The following LRRC43 variants were observed in gnomAD, a reference collection of about 807,000 sequenced individuals.
LRRC43 encodes leucine-rich repeat-containing protein 43.
Under a neutral mutation model 64.3 loss-of-function variants are expected in LRRC43, and 62 were observed. The observed-to-expected ratio is 0.96, with a 90% CI of 0.79 to 1.19. The LOEUF (loss-of-function observed/expected upper bound fraction) is 1.19, where lower values mean the gene tolerates loss of function less well. Among genes scored for constraint, LRRC43 ranks in the 50% most tolerant of loss-of-function variants. The pLI is 0.00. For synonymous variants in LRRC43, 422 were observed against 382.3 expected, an observed-to-expected ratio of 1.10 and a Z score of -1.21; for missense variants, 868 against 845.0, an observed-to-expected ratio of 1.03 and a Z score of -0.34.
intron 1 of LRRC43, chr12:122,173,891 T>C (rs1227279447): frequency 1.2e-6 from 2 of 1,613,996 alleles, no homozygotes; most frequent in Non-Finnish European, 1.7e-6. Context: ...TCGACTATTT[T>C]CTGTACATCA....
At chr12:122,172,706 A>G in intron 1 of LRRC43, 1 of 1,613,812 alleles carries the variant, frequency 6.2e-7, no homozygotes, top group Non-Finnish European at 8.5e-7. Flanking sequence ...GCAGCGTGTA[A>G]TTCTGGGACA....
In LRRC43 at chr12:122,200,976, C is replaced by T; in HGVS notation, c.1809+42C>T. 1.3e-6 allele frequency: 2 copies of T among 1,543,294 alleles called. No homozygotes were observed. The highest frequency in any genetic ancestry group is 1.7e-6 in the Non-Finnish European group (2 of 1,146,938). On this transcript the variant is annotated intron_variant, in intron 10 of 11. Coordinates refer to ENST00000339777, the MANE Select transcript of LRRC43 (RefSeq NM_001098519.2). The surrounding 1 kb of genome is among the most constrained non-coding windows in gnomAD (Gnocchi z 4.6). ...GCCACATCCTCCACCTCTGCCTTCG[C>T]CCTCCCCATGGGAACCCCGCGGGCA...
At chr12:122,188,096 A>G (rs948939765) in intron 4 of LRRC43, among the ~76,000 whole-genome samples, 2 of 151,964 alleles carry the variant, frequency 1.3e-5, no homozygotes, top group African/African-American at 4.8e-5. Context: ...TAATTTTTTA[A>G]TTTTTTTATC....
In LRRC43 at chr12:122,190,341, C is replaced by G; in HGVS notation, c.874C>G (p.Leu292Val). Residue 292 changes from leucine (L) to valine (V), a missense_variant, in exon 5 of 12, where the codon CTC (leucine) becomes GTC (valine). By Grantham distance (32) the Leu-to-Val change is conservative. Transcript: ENST00000339777. The part of the protein sequence containing the change: ...DITVSPNEKH[L>V]FRGLSLNGDL... ...CACCGTGTCTCCCAATGAGAAGCAT[C>G]TCTTCCGGGGGCTCAGCCTCAATGG... 1 of 1,614,130 alleles carries G rather than the reference C, an allele frequency of 6.2e-7. No individual in the cohort carries two copies. Among genetic ancestry groups the G allele is most frequent in the Non-Finnish European group, 8.5e-7 (1 of 1,179,988 alleles).
chr12:122,201,649 G>T (rs769009263), intron 11 of LRRC43, among the ~76,000 whole-genome samples: 2 of 152,190 alleles, frequency 1.3e-5, no homozygotes, highest in Non-Finnish European at 2.9e-5. Flanking sequence ...GCCCTTATTT[G>T]CTGTAAGAGG....
upstream of LRRC43, among the ~76,000 whole-genome samples, chr12:122,178,229 T>TG (rs1232121673): frequency 6.6e-6 from 1 of 152,012 alleles, no homozygotes; most frequent in Non-Finnish European, 1.5e-5. Context: ...TCAGCCTTAC[T>TG]GGGGTTTCAG....
chr12:122,176,862 G>A (rs1389735390), intron 1 of LRRC43, among the ~76,000 whole-genome samples: 1 of 151,858 alleles, frequency 6.6e-6, no homozygotes, highest in Non-Finnish European at 1.5e-5. Context: ...ACCATGTTGG[G>A]ATGAGGTCAG....
intron 11 of LRRC43, 74 bp from the exon 12 acceptor site, chr12:122,203,241 G>T: frequency 6.4e-7 from 1 of 1,554,942 alleles, no homozygotes; most frequent in South Asian, 1.2e-5. Flanking sequence ...CTTGCATATG[G>T]GATGGGTCAG....
At chr12:122,177,614 C>T (rs552011906) in intron 1 of LRRC43, among the ~76,000 whole-genome samples, 17 of 152,060 alleles carry the variant, frequency 1.1e-4, no homozygotes, top group Admixed American at 9.9e-4. Context: ...AAGCAGCCCT[C>T]TTACCCCAGC....
At chr12:122,186,147 C>T (rs1275384512) in intron 2 of LRRC43, 43 bp from the exon 3 acceptor site, 1 of 1,128,510 alleles carries the variant, frequency 8.9e-7, no homozygotes, top group African/African-American at 1.5e-5. Flanking sequence ...TGCCCGTGCT[C>T]CCTCTCCTGC....
At chr12:122,192,345 C>T (rs1163755024) in intron 6 of LRRC43, among the ~76,000 whole-genome samples, 1 of 151,882 alleles carries the variant, frequency 6.6e-6, no homozygotes, top group East Asian at 2.0e-4. Flanking sequence ...ACCATGTTAG[C>T]CAGGATGGCC....
upstream of LRRC43, among the ~76,000 whole-genome samples, chr12:122,178,379 C>T (rs1002174180): frequency 6.6e-6 from 1 of 152,096 alleles, no homozygotes; most frequent in Non-Finnish European, 1.5e-5. Flanking sequence ...ACGGTGTCCA[C>T]CCGTGATCTG....
intron 6 of LRRC43, among the ~76,000 whole-genome samples, chr12:122,192,194 G>A (rs2136047745): frequency 6.6e-6 from 1 of 152,232 alleles, no homozygotes; most frequent in Middle Eastern, 3.4e-3. Context: ...CTGGAGTGCA[G>A]TGGCGCAATC....
rs1395284003 is a variant in LRRC43, at chr12:122,184,438, T to TG, written c.151-80dup. On this transcript the variant is annotated intron_variant, in intron 1 of 11. Coordinates refer to ENST00000339777, the MANE Select transcript of LRRC43 (RefSeq NM_001098519.2). This position sits in a 1 kb window ranked among gnomAD's most constrained non-coding sequence, Gnocchi z 4.0. The stretch of plus-strand genomic sequence containing the variant: ...CTCTATCCCTAATCGTCCAGTTTTA[T>TG]GATCTGTTCTGTTTTGAGAGTTTGG... 1.3e-6 allele frequency: 2 copies of TG among 1,504,182 alleles called. No individual in the cohort carries two copies. Among genetic ancestry groups the TG allele is most frequent in the Non-Finnish European group, 1.8e-6 (2 of 1,112,874 alleles). 93.2% of individuals were successfully genotyped at this position (1,504,182 alleles called of 1,614,324 possible). A position where few individuals can be genotyped will look rare whatever the true frequency, so the allele number is the denominator to read the frequency against.
upstream of LRRC43, among the ~76,000 whole-genome samples, chr12:122,182,619 G>A (rs562957061): frequency 2.6e-5 from 4 of 152,008 alleles, no homozygotes; most frequent in Non-Finnish European, 5.9e-5. Flanking sequence ...CTTGAACCCG[G>A]GACACGGAGA....
chr12:122,170,205 T>C (rs1953472889), intron 1 of LRRC43, among the ~76,000 whole-genome samples: 1 of 152,162 alleles, frequency 6.6e-6, no homozygotes, highest in Non-Finnish European at 1.5e-5. Flanking sequence ...TTTTAGATAA[T>C]TTTTCTAATA....
chr12:122,172,329 C>T lies in LRRC43; in HGVS notation c.-406+4547C>T, dbSNP rs117355710. On this transcript the variant is annotated intron_variant, in intron 1 of 5. Coordinates refer to the LRRC43 transcript ENST00000537729. ...CATTGGAAAAATGTACTTAAGGAAT[C>T]ACGGCAGAGTTCCCACACTTAGCTG... 2.4e-3 allele frequency: 2,337 copies of T among 986,762 alleles called. 25 individuals are homozygous for T. In the East Asian group the frequency reaches 0.029, roughly 12 times the overall value. The allele number at this position is 986,762 out of a possible 1,614,324, so 61.1% of individuals were successfully genotyped here.
intron 6 of LRRC43, among the ~76,000 whole-genome samples, chr12:122,192,082 C>G (rs1490355092): frequency 6.6e-6 from 1 of 152,138 alleles, no homozygotes; most frequent in Admixed American, 6.5e-5. Flanking sequence ...AACAAGAGAG[C>G]CACCCGGCAT....
intron 4 of LRRC43, among the ~76,000 whole-genome samples, chr12:122,189,702 C>T (rs1484930369): frequency 6.6e-6 from 1 of 152,150 alleles, no homozygotes; most frequent in Non-Finnish European, 1.5e-5. Context: ...CACTCCCCAG[C>T]ATCAACCCCA....
Sources: allele counts gnomAD v4.1 joint callset (sites outside exome capture counted in the v4.1 genomes callset), GRCh38; gene constraint gnomAD v4.1.1; non-coding constraint Gnocchi (gnomAD v3.1); transcripts MANE v1.5; gene names NCBI Gene and HGNC (gene_info 2026-07-23, HGNC 2026-07-21).